The following WDR7 variants were observed in gnomAD, a reference collection of about 807,000 sequenced individuals.
WDR7 encodes WD repeat-containing protein 7.
In WDR7, 46 loss-of-function variants were observed where a neutral mutation model predicts 169.4. The observed-to-expected ratio is 0.27, with a 90% CI of 0.21 to 0.35. The LOEUF is 0.35. Ranked by LOEUF, WDR7 falls within the 10% of genes least tolerant of loss-of-function variation. The pLI, the probability that WDR7 is intolerant of heterozygous loss-of-function variation, is 1.00. For missense variants in WDR7, 1,534 were observed against 1,859.3 expected, an observed-to-expected ratio of 0.83 and a Z score of 3.22; for synonymous variants, 612 against 666.8, an observed-to-expected ratio of 0.92 and a Z score of 1.27.
At chr18:56,833,485 A>G (rs962616597) in intron 20 of WDR7, among the ~76,000 whole-genome samples, 2 of 152,194 alleles carry the variant, frequency 1.3e-5, no homozygotes, top group African/African-American at 4.8e-5. Flanking sequence ...AAAATAAAGC[A>G]TTCTAAATAT....
In WDR7 at chr18:56,666,201, C is replaced by CTTTTTTTTT. The variant is rs71169386; in HGVS notation, c.-19-6285_-19-6277dup. On this transcript the variant is annotated intron_variant, in intron 1 of 27. Coordinates refer to ENST00000254442, the MANE Select transcript of WDR7 (RefSeq NM_015285.3). ...TACTATTTCATCTTCATTCCTTCGT[C>CTTTTTTTTT]TTTTTTTTTTTTTTTTTTTGAGCCG... 7.9e-5 allele frequency among the ~76,000 whole-genome samples: 8 copies of CTTTTTTTTT among 100,972 alleles called. 1 individual carries two copies. The highest frequency in any genetic ancestry group is 7.4e-4 in the East Asian group (2 of 2,692). The allele number at this position is 100,972 out of a possible 152,430, so 66.2% of individuals were successfully genotyped here. A position where few individuals can be genotyped will look rare whatever the true frequency, so the allele number is the denominator to read the frequency against.
At chr18:56,900,064 ATGTGTGTG>A (rs3045243) in intron 21 of WDR7, among the ~76,000 whole-genome samples, 2 of 137,900 alleles carry the variant, frequency 1.5e-5, no homozygotes, top group Non-Finnish European at 3.1e-5. Context: ...ACATATATAT[ATGTGTGTG>A]TGTGTGTGTG....
At chr18:56,996,213 C>A (rs2047897232) in intron 26 of WDR7, among the ~76,000 whole-genome samples, 1 of 152,150 alleles carries the variant, frequency 6.6e-6, no homozygotes, top group Admixed American at 6.6e-5. Context: ...AATTGTTCAT[C>A]AAGCATCTAC....
intron 25 of WDR7, among the ~76,000 whole-genome samples, chr18:56,953,172 C>A (rs538766456): frequency 3.3e-5 from 5 of 152,210 alleles, no homozygotes; most frequent in East Asian, 3.9e-4. Flanking sequence ...ACTCTCTCCT[C>A]ATTTTGCTTT....
At chr18:57,020,268 G>A (rs1185327800) in intron 26 of WDR7, among the ~76,000 whole-genome samples, 2 of 152,190 alleles carry the variant, frequency 1.3e-5, no homozygotes, top group African/African-American at 4.8e-5. Context: ...CATAAAGCAT[G>A]AGCAGTGTAT....
At chr18:56,741,737 C>T (rs1277327357) in intron 14 of WDR7, among the ~76,000 whole-genome samples, 4 of 152,194 alleles carry the variant, frequency 2.6e-5, no homozygotes, top group African/African-American at 9.7e-5. Flanking sequence ...AATGCAATCT[C>T]AACCATTACA....
chr18:57,003,575 A>G (rs1439430474), intron 26 of WDR7, among the ~76,000 whole-genome samples: 1 of 152,130 alleles, frequency 6.6e-6, no homozygotes, highest in African/African-American at 2.4e-5. Context: ...TGATCTCCAT[A>G]AATAGCAAAA....
intron 2 of WDR7, among the ~76,000 whole-genome samples, chr18:56,678,592 G>A (rs979132212): frequency 2.6e-5 from 4 of 152,106 alleles, no homozygotes; most frequent in South Asian, 2.1e-4. Flanking sequence ...TGCCTCCTGG[G>A]TTCAAGCGAT....
intron 26 of WDR7, among the ~76,000 whole-genome samples, chr18:56,992,421 T>C (rs1169698546): frequency 1.3e-5 from 2 of 152,222 alleles, no homozygotes; most frequent in African/African-American, 4.8e-5. Context: ...AAGGCAAATA[T>C]GGGATAGTGT....
intron 24 of WDR7, 73 bp downstream of exon 24, chr18:56,938,755 T>C (rs2046993527): frequency 1.3e-6 from 2 of 1,555,460 alleles, no homozygotes; most frequent in Admixed American, 1.9e-5. Context: ...TATAAATCAG[T>C]ATCTTTATTT....
intron 19 of WDR7, among the ~76,000 whole-genome samples, chr18:56,795,458 C>T (rs926936548): frequency 6.6e-6 from 1 of 152,124 alleles, no homozygotes; most frequent in Non-Finnish European, 1.5e-5. Context: ...ATATAAAATA[C>T]TTTGAGTTTA....
At chr18:57,034,810 CAGAG>C (rs903725884), downstream of WDR7, 6 of 152,034 alleles carry the variant, frequency 3.9e-5, no homozygotes, top group Admixed American at 3.3e-4. Flanking sequence ...GGCTTTCTCT[CAGAG>C]AGAGAAAGTC....
chr18:56,656,508 G>A (rs2144412109), intron 1 of WDR7, among the ~76,000 whole-genome samples: 1 of 151,666 alleles, frequency 6.6e-6, no homozygotes, highest in South Asian at 2.1e-4. Context: ...TCGAACTCCT[G>A]AGCTCAGGCA....
intron 2 of WDR7, among the ~76,000 whole-genome samples, chr18:56,674,634 C>A (rs2025205377): frequency 6.6e-6 from 1 of 151,902 alleles, no homozygotes; most frequent in Admixed American, 6.6e-5. Flanking sequence ...TTTTCACTTT[C>A]TCGATTGTGT....
At chr18:56,896,983 C>T (rs115675202) in intron 21 of WDR7, among the ~76,000 whole-genome samples, 275 of 151,662 alleles carry the variant, frequency 1.8e-3, no homozygotes, top group African/African-American at 6.2e-3. Context: ...AAGAGAAATC[C>T]GTAGCAGAAA....
chr18:56,859,119 G>A (rs2045766267), intron 20 of WDR7, among the ~76,000 whole-genome samples: 1 of 152,120 alleles, frequency 6.6e-6, no homozygotes, highest in Non-Finnish European at 1.5e-5. Context: ...CACTTCTGTT[G>A]TGAGGTCCTC....
chr18:56,799,072 A>G (rs533947101), intron 19 of WDR7, among the ~76,000 whole-genome samples: 1 of 152,280 alleles, frequency 6.6e-6, no homozygotes, highest in African/African-American at 2.4e-5. Context: ...CATGGAGCTT[A>G]TAGTGTATTA....
chr18:56,688,311 C>A (rs77730755), intron 7 of WDR7, among the ~76,000 whole-genome samples: 2 of 152,190 alleles, frequency 1.3e-5, no homozygotes, highest in African/African-American at 4.8e-5. Context: ...TTAACCTTAT[C>A]GTTGTCACTT....
At chr18:57,034,852 G>A in the WDR7 span, 4 of 152,184 alleles carry the variant, frequency 2.6e-5, no homozygotes, top group African/African-American at 9.6e-5. Flanking sequence ...CATCTAAGGA[G>A]AGCTTCATCT....
Sources: allele counts gnomAD v4.1 joint callset (sites outside exome capture counted in the v4.1 genomes callset), GRCh38; gene constraint gnomAD v4.1.1; transcripts MANE v1.5; gene names NCBI Gene and HGNC (gene_info 2026-07-23, HGNC 2026-07-21).